The following PRICKLE2 variants were observed in gnomAD, a reference collection of about 807,000 sequenced individuals.
PRICKLE2 encodes the protein prickle-like protein 2.
A neutral mutation model predicts 81.4 loss-of-function variants in PRICKLE2; 21 were observed. The observed-to-expected ratio is 0.26, with a 90% CI of 0.18 to 0.37. The LOEUF is 0.37. PRICKLE2 is among the 10% of genes least tolerant of loss of function. PRICKLE2 has a pLI of 1.00. For synonymous variants in PRICKLE2, 456 were observed against 421.5 expected (o/e 1.08, Z -1.00); for missense variants, 940 against 1,109.0 (o/e 0.85, Z 2.16).
At chr3:64,152,657 T>C (rs2077566368) in intron 6 of PRICKLE2, among the ~76,000 whole-genome samples, 1 of 151,996 alleles carries the variant, frequency 6.6e-6, no homozygotes, top group Admixed American at 6.6e-5. Context: ...ATCCCCAACT[T>C]GTCCCAAGGA....
chr3:64,184,931 C>T (rs569578807), intron 2 of PRICKLE2, among the ~76,000 whole-genome samples: 10 of 152,340 alleles, frequency 6.6e-5, no homozygotes, highest in South Asian at 6.2e-4. Context: ...TCTCTCTCAA[C>T]ACACGTAGAA....
chr3:64,230,771 C>T (rs905832876), intron 2 of PRICKLE2, among the ~76,000 whole-genome samples: 4 of 152,182 alleles, frequency 2.6e-5, no homozygotes, highest in African/African-American at 7.2e-5. Flanking sequence ...GGAGACATCT[C>T]TTTATCAAAG....
intron 1 of PRICKLE2, among the ~76,000 whole-genome samples, chr3:64,202,904 T>C (rs999422685): frequency 1.1e-4 from 17 of 152,184 alleles, no homozygotes; most frequent in African/African-American, 3.9e-4. Flanking sequence ...CCATGAGTTA[T>C]TTGTACATGC....
intron 1 of PRICKLE2, among the ~76,000 whole-genome samples, chr3:64,220,154 A>G (rs185442287): frequency 6.6e-6 from 1 of 152,336 alleles, no homozygotes; most frequent in Non-Finnish European, 1.5e-5. Flanking sequence ...TTCTTAGTTA[A>G]GTCTTGGAAC....
intron 2 of PRICKLE2, among the ~76,000 whole-genome samples, chr3:64,177,329 G>A (rs1451359899): frequency 6.6e-6 from 1 of 151,606 alleles, no homozygotes; most frequent in South Asian, 2.1e-4. Context: ...TAGAGACAGG[G>A]TCTCACCATG....
chr3:64,113,172 G>A (rs2076877514), intron 7 of PRICKLE2, among the ~76,000 whole-genome samples: 1 of 152,212 alleles, frequency 6.6e-6, no homozygotes, highest in South Asian at 2.1e-4. Flanking sequence ...AAGTGTTGGG[G>A]CAACAAGCCA....
rs2077473090 is a variant in PRICKLE2, at chr3:64,147,328, G to A, written c.1162C>T (p.Leu388Phe). The A allele has an allele frequency of 6.2e-7, 1 of 1,614,014 alleles. No individual in the cohort carries two copies. ...CTCCTCCAGATGGGGTCCCGGTTGA[G>A]GCTGGGTGTCTGGCTGGACAGGCTG... Reference protein sequence around the residue: ...MLSLSSQTPSLNRDPIWRSRE... With the variant: ...MLSLSSQTPSFNRDPIWRSRE... Residue 388 changes from leucine (L) to phenylalanine (F), a missense_variant, in exon 7 of 8, where the codon CTC becomes TTC. Transcript: ENST00000638394. The surrounding 1 kb of genome is among the most constrained non-coding windows in gnomAD (Gnocchi z 5.0).
Position 64,157,360 on chromosome 3 carries a change from TC to T in PRICKLE2, c.401del (p.Gly134GlufsTer39). On this transcript the variant is annotated frameshift_variant, in exon 5 of 8. Coordinates refer to ENST00000638394, the MANE Select transcript of PRICKLE2 (RefSeq NM_198859.4). LOFTEE classifies it high-confidence loss of function. ...TMTGAICEQC[G>X]GQINGGDIAV... Reference sequence around the variant, plus strand: ...CGATGTCTCCACCATTGATCTGGCCTCCGCACTGTGAGGCAAACAGAAACAT... The same window carrying T: ...CGATGTCTCCACCATTGATCTGGCCTCGCACTGTGAGGCAAACAGAAACAT... The T allele has an allele frequency of 6.2e-7, 1 of 1,612,968 alleles. No homozygotes were observed. The highest frequency in any genetic ancestry group is 8.5e-7 in the Non-Finnish European group (1 of 1,179,996).
intron 7 of PRICKLE2, among the ~76,000 whole-genome samples, chr3:64,127,536 G>C (rs2077127784): frequency 6.6e-6 from 1 of 152,258 alleles, no homozygotes; most frequent in East Asian, 1.9e-4. Flanking sequence ...TTTCAAAAGA[G>C]GAATCTGAGA....
rs745530308 is a variant in PRICKLE2 at position 64,147,173 on chromosome 3, G to T, written c.1317C>A (p.Pro439=). Residue 439 remains proline, a synonymous_variant, in exon 7 of 8, where the codon CCC becomes CCA. Coordinates refer to ENST00000638394, the MANE Select transcript of PRICKLE2 (RefSeq NM_198859.4). The surrounding 1 kb of genome is among the most constrained non-coding windows in gnomAD (Gnocchi z 5.0). The part of the protein sequence containing the change: ...SPGGQGAGAQ[P]EMWGKHFSNP... ...TGCTGAAGTGCTTGCCCCACATTTC[G>T]GGCTGGGCCCCAGCCCCTTGCCCTC... The T allele has an allele frequency of 2.5e-6, 4 of 1,613,808 alleles. No individual in the cohort carries two copies. Among genetic ancestry groups the T allele is most frequent in the Non-Finnish European group, 3.4e-6 (4 of 1,179,946 alleles).
intron 2 of PRICKLE2, among the ~76,000 whole-genome samples, chr3:64,255,158 A>G (rs2079507977): frequency 6.6e-6 from 1 of 152,212 alleles, no homozygotes; most frequent in African/African-American, 2.4e-5. Context: ...AAAAGATCAC[A>G]TACCCACTTA....
intron 2 of PRICKLE2, among the ~76,000 whole-genome samples, chr3:64,181,023 C>G (rs2078122252): frequency 6.6e-6 from 1 of 152,152 alleles, no homozygotes; most frequent in Non-Finnish European, 1.5e-5. Flanking sequence ...CTGGCCCCAG[C>G]AATCAGAATC....
intron 2 of PRICKLE2, among the ~76,000 whole-genome samples, chr3:64,260,662 C>A (rs2079603628): frequency 6.6e-6 from 1 of 152,202 alleles, no homozygotes; most frequent in Non-Finnish European, 1.5e-5. Flanking sequence ...TCTTCCCTGC[C>A]AATATCTGTT....
intron 2 of PRICKLE2, among the ~76,000 whole-genome samples, chr3:64,179,604 C>G (rs1199727956): frequency 1.3e-5 from 2 of 152,142 alleles, no homozygotes; most frequent in African/African-American, 4.8e-5. Flanking sequence ...ATGCATTAGG[C>G]AATTCAAATT....
Position 64,146,730 on chromosome 3 carries a change from G to A in PRICKLE2, c.1660+100C>T, listed in dbSNP as rs535809634. On this transcript the variant is annotated intron_variant, in intron 7 of 7. Transcript: ENST00000638394. ...TGCACTCCAGCCTGGGGGACAGAGC[G>A]AGACTCCATTTCAAAAAAAAAAAAA... 3.4e-4 allele frequency: 455 copies of A among 1,332,014 alleles called. 1 individual carries two copies. The highest frequency in any genetic ancestry group is 4.4e-4 in the Non-Finnish European group (415 of 943,082). 82.5% of individuals were successfully genotyped at this position (1,332,014 alleles called of 1,614,324 possible).
intron 2 of PRICKLE2, among the ~76,000 whole-genome samples, chr3:64,236,199 C>G (rs763282158): frequency 5.8e-4 from 88 of 152,280 alleles, no homozygotes; most frequent in Non-Finnish European, 8.5e-4. Context: ...CAACACCTAG[C>G]ATACTTAGAT....
chr3:64,099,323 G>A lies in PRICKLE2; in HGVS notation c.2263C>T (p.Leu755=). ...TCCCCAAAGGCATTCTGCAAAGCCA[G>A]GTCCGACACAGTCCTAGGGCACTGG... ...YGQCPRTVSD[L]ALQNAFGDRW... Residue 755 remains leucine (L), a synonymous_variant, in exon 8 of 8, where the codon CTG becomes TTG. Coordinates refer to ENST00000638394, the MANE Select transcript of PRICKLE2 (RefSeq NM_198859.4). This position sits in a 1 kb window ranked among gnomAD's most constrained non-coding sequence, Gnocchi z 4.3. 1 of 1,614,206 alleles carries A rather than the reference G, an allele frequency of 6.2e-7. No individual in the cohort carries two copies.
At chr3:64,256,439 A>G (rs1374775238) in intron 2 of PRICKLE2, among the ~76,000 whole-genome samples, 1 of 152,186 alleles carries the variant, frequency 6.6e-6, no homozygotes. Context: ...ACAAGTACCT[A>G]CATACTAGTC....
chr3:64,195,331 C>T (rs1190277966), intron 2 of PRICKLE2, among the ~76,000 whole-genome samples: 2 of 152,226 alleles, frequency 1.3e-5, no homozygotes, highest in Non-Finnish European at 2.9e-5. Flanking sequence ...TTCGAGAACA[C>T]TTCCCTAAAA....
Sources: gnomAD v4.1 joint callset for allele counts (sites outside exome capture counted in the v4.1 genomes callset) on GRCh38, gnomAD v4.1.1 for gene constraint, Gnocchi (gnomAD v3.1) non-coding constraint, MANE v1.5 for transcripts, NCBI Gene and HGNC (gene_info 2026-07-23, HGNC 2026-07-21) for gene names.